The following CGN variants were observed in gnomAD, a reference collection of about 807,000 sequenced individuals.
CGN encodes the protein cingulin.
A neutral mutation model predicts 157.1 loss-of-function variants in CGN; 121 were observed. The observed-to-expected ratio is 0.77, with a 90% CI of 0.66 to 0.90. CGN has a LOEUF of 0.90. Among genes scored for constraint, CGN ranks in the 40% least tolerant of loss-of-function variants. CGN has a pLI of 0.00. For missense variants in CGN, 1,424 were observed against 1,520.9 expected (o/e 0.94, Z 1.06); for synonymous variants, 535 against 607.5 (o/e 0.88, Z 1.76).
intron 5 of CGN, 83 bp from the exon 6 acceptor site, chr1:151,523,351 G>C: frequency 1.5e-6 from 2 of 1,318,084 alleles, no homozygotes; most frequent in Non-Finnish European, 2.1e-6. Context: ...TGTCCAATGA[G>C]TGTTAGACAT....
rs765716181 is a variant in CGN, at chr1:151,529,563, A to G, written c.2106+4A>G. The G allele has an allele frequency of 6.2e-7, 1 of 1,612,112 alleles. No homozygotes were observed. Among genetic ancestry groups the G allele is most frequent in the Non-Finnish European group, 8.5e-7 (1 of 1,178,972 alleles). On this transcript the variant is annotated splice_donor_region_variant and intron_variant, in intron 11 of 20. Transcript: ENST00000271636. ...GGACTGTGAAGAGGCTTCCAAGGCA[A>G]GGGGAGTGGGCACAGGGCTTAGGAG...
chr1:151,517,571 C>T (rs936182112), intron 1 of CGN, among the ~76,000 whole-genome samples: 4 of 147,128 alleles, frequency 2.7e-5, no homozygotes, highest in South Asian at 2.1e-4. Flanking sequence ...AGTGCAGTGG[C>T]GCAATCTCGG....
chr1:151,521,570 C>A (rs57594818), intron 5 of CGN, among the ~76,000 whole-genome samples: 5,283 of 152,234 alleles, frequency 0.035, 303 homozygotes, highest in African/African-American at 0.12. Context: ...CCCAGCCGGG[C>A]GCAGTGGCTC....
Position 151,537,413 on chromosome 1 carries a change from C to T in CGN, c.*67C>T. On this transcript the variant is annotated 3_prime_UTR_variant, in exon 21 of 21. Coordinates refer to ENST00000271636, the MANE Select transcript of CGN (RefSeq NM_020770.3). ...TCCCAGCAAGTGCTGCTCTGCTCTG[C>T]CCACCCTGGGTTCTGCATTCCTATG... 1 of 1,467,592 alleles carries T rather than the reference C, an allele frequency of 6.8e-7. No homozygotes were observed. The allele number at this position is 1,467,592 out of a possible 1,614,324, so 90.9% of individuals were successfully genotyped here.
At chr1:151,516,214 C>T (rs966098826) in intron 1 of CGN, among the ~76,000 whole-genome samples, 1 of 152,206 alleles carries the variant, frequency 6.6e-6, no homozygotes, top group Admixed American at 6.5e-5. Flanking sequence ...TGAAAGGGGC[C>T]TTGCCAAGTT....
At position 151,518,881 on chromosome 1, in the gene CGN, A is replaced by T. The variant is rs773873933; in HGVS notation, c.362A>T (p.Asp121Val). The change falls in exon 2 of 21, where the codon GAT (aspartate) becomes GTT (valine). Residue 121 changes from aspartate to valine, a missense_variant. Transcript: ENST00000271636. ...GCCCCCTCGCAGAGCAGCACATCTG[A>T]TGAGGAGCCTGGGGCCTACTGGAAT... ...FPAPSQSSTS[D>V]EEPGAYWNGK... The T allele has an allele frequency of 6.2e-7, 1 of 1,614,080 alleles. No individual in the cohort carries two copies. The highest frequency in any genetic ancestry group is 1.1e-5 in the South Asian group (1 of 91,076).
intron 16 of CGN, 83 bp downstream of exon 16, chr1:151,535,214 C>A: frequency 9.7e-7 from 1 of 1,031,860 alleles, no homozygotes; most frequent in South Asian, 1.4e-5. Flanking sequence ...ACCCTCCCAT[C>A]TTTCATCATC....
intron 5 of CGN, among the ~76,000 whole-genome samples, chr1:151,522,079 A>G (rs1664555251): frequency 6.6e-6 from 1 of 151,468 alleles, no homozygotes; most frequent in Admixed American, 6.6e-5. Context: ...GGAGTTTGAG[A>G]CCAGCCTGGG....
intron 18 of CGN, 26 bp downstream of exon 18, chr1:151,535,924 T>G (rs369889979): frequency 1.3e-5 from 20 of 1,553,036 alleles, no homozygotes; most frequent in Middle Eastern, 2.1e-4. Flanking sequence ...CCTTCCTCCC[T>G]TCCTCCCTCC....
intron 19 of CGN, 132 bp from the exon 20 acceptor site, chr1:151,536,598 T>G: frequency 1.3e-6 from 1 of 784,712 alleles, no homozygotes; most frequent in Non-Finnish European, 2.1e-6. Flanking sequence ...GACAACCATG[T>G]GAGGTTAAGG....
chr1:151,527,866 G>T, intron 10 of CGN: 1 of 284,820 alleles, frequency 3.5e-6, no homozygotes, highest in Non-Finnish European at 6.8e-6. Flanking sequence ...TGCAGGGATT[G>T]TGCTGACCTG....
rs1307406531 is a variant in CGN, at chr1:151,536,252, G to A, written c.3213G>A (p.Leu1071=). The change falls in exon 19 of 21, where the codon CTG becomes CTA. Residue 1071 remains leucine, a synonymous_variant. Coordinates refer to ENST00000271636, the MANE Select transcript of CGN (RefSeq NM_020770.3). ...LQAEEREKTV[L]QSTNRKLERK... The stretch of plus-strand genomic sequence containing the variant: ...CTCACCTTAGGGAGAAGACAGTTCT[G>A]CAGTCTACCAATCGAAAACTGGAGC... 3 of 1,602,980 alleles carry A rather than the reference G, an allele frequency of 1.9e-6. No homozygotes were observed. The South Asian group carries it at 3.3e-5, about 18-fold the overall frequency.
chr1:151,525,632 C>G lies in CGN; in HGVS notation c.1615-10C>G. 1 of 1,560,066 alleles carries G rather than the reference C, an allele frequency of 6.4e-7. No homozygotes were observed. On this transcript the variant is annotated splice_polypyrimidine_tract_variant and intron_variant, in intron 8 of 20. Coordinates refer to ENST00000271636, the MANE Select transcript of CGN (RefSeq NM_020770.3). Reference sequence around the variant, plus strand: ...TGAGCCTTCTGGTGTCCAACTCTCCCCTTCTCTAGGACCATGCAGTGCTGG... The same window carrying G: ...TGAGCCTTCTGGTGTCCAACTCTCCGCTTCTCTAGGACCATGCAGTGCTGG...
Position 151,530,512 on chromosome 1 carries a change from G to A in CGN, c.2337G>A (p.Glu779=), listed in dbSNP as rs889378508. The change falls in exon 13 of 21, where the codon GAG becomes GAA. Residue 779 remains glutamate (E), a synonymous_variant. Transcript: ENST00000271636. ...AGGCAGAGAAACAGCAGCTGGAGGA[G>A]GCCCTGAATGCGTCCCAGGAAGAGG... The part of the protein sequence containing the change: ...RLEAEKQQLE[E]ALNASQEEEG... 6.3e-7 allele frequency: 1 copy of A among 1,596,194 alleles called. No individual in the cohort carries two copies. Among genetic ancestry groups the A allele is most frequent in the African/African-American group, 1.3e-5 (1 of 74,564 alleles).
chr1:151,521,377 C>G (rs929346286), intron 5 of CGN, among the ~76,000 whole-genome samples: 2 of 152,222 alleles, frequency 1.3e-5, no homozygotes, highest in Non-Finnish European at 2.9e-5. Context: ...TGGAGCCAAA[C>G]TAACTGGGTT....
At chr1:151,522,087 G>C (rs1664555454) in intron 5 of CGN, among the ~76,000 whole-genome samples, 1 of 152,164 alleles carries the variant, frequency 6.6e-6, no homozygotes, top group Non-Finnish European at 1.5e-5. Flanking sequence ...AGACCAGCCT[G>C]GGCAACATAG....
At chr1:151,536,011 C>G in intron 18 of CGN, 113 bp downstream of exon 18, 1 of 851,242 alleles carries the variant, frequency 1.2e-6, no homozygotes, top group Admixed American at 2.1e-5. Flanking sequence ...GCCAGCCTGG[C>G]CTGATCTTTA....
chr1:151,534,032 C>A lies in CGN; in HGVS notation c.2800C>A (p.Leu934Met). The change falls in exon 15 of 21, where the codon CTG (leucine) becomes ATG (methionine). Residue 934 changes from leucine to methionine, a missense_variant. Leu to Met is a conservative substitution (Grantham distance 15). This residue lies in a region of CGN where 1,187 missense variants were observed against 1,217.6 expected (regional missense o/e 0.97). Transcript: ENST00000271636. ...ASQAERDTAR[L>M]DKELLAQRLQ... ...CCAGGCTGAGCGGGACACAGCCCGG[C>A]TGGACAAAGAGCTACTGGCCCAGCG... 6.2e-7 allele frequency: 1 copy of A among 1,613,562 alleles called. No individual in the cohort carries two copies. Among genetic ancestry groups the A allele is most frequent in the Non-Finnish European group, 8.5e-7 (1 of 1,179,934 alleles).
intron 1 of CGN, among the ~76,000 whole-genome samples, chr1:151,512,345 T>G (rs1471998152): frequency 6.6e-6 from 1 of 152,278 alleles, no homozygotes; most frequent in East Asian, 1.9e-4. Flanking sequence ...CCACATATTT[T>G]TTCTGTGGTT....
Sources: allele counts gnomAD v4.1 joint callset (sites outside exome capture counted in the v4.1 genomes callset), GRCh38; gene constraint gnomAD v4.1.1; regional missense constraint gnomAD v4.1.1; transcripts MANE v1.5; gene names NCBI Gene and HGNC (gene_info 2026-07-23, HGNC 2026-07-21).